The following SLC39A11 variants were observed in gnomAD, a reference collection of about 807,000 sequenced individuals.
The protein encoded by SLC39A11 is zinc transporter ZIP11.
SLC39A11 carries 33 observed loss-of-function variants against 36.1 expected under a neutral mutation model. That is an observed-to-expected ratio of 0.91 (90% CI 0.69 to 1.22). The LOEUF (loss-of-function observed/expected upper bound fraction) is 1.22, where lower values mean the gene tolerates loss of function less well. Ranked by LOEUF, SLC39A11 falls within the 50% of genes most tolerant of loss-of-function variation. The pLI is 0.00. For missense variants in SLC39A11, 432 were observed against 430.3 expected, an observed-to-expected ratio of 1.00 and a Z score of -0.03; for synonymous variants, 166 against 170.3, an observed-to-expected ratio of 0.97 and a Z score of 0.20.
chr17:72,704,352 G>A (rs924027840), intron 7 of SLC39A11, among the ~76,000 whole-genome samples: 3 of 152,182 alleles, frequency 2.0e-5, no homozygotes, highest in Non-Finnish European at 4.4e-5. Flanking sequence ...TTGGACCTAG[G>A]AAGTCTGACT....
intron 7 of SLC39A11, among the ~76,000 whole-genome samples, chr17:72,652,547 G>A (rs2069900038): frequency 6.6e-6 from 1 of 152,164 alleles, no homozygotes; most frequent in Admixed American, 6.5e-5. Context: ...TGCCTGTCCT[G>A]GGGTGAGGGT....
intron 3 of SLC39A11, among the ~76,000 whole-genome samples, chr17:73,043,566 G>A (rs747810300): frequency 1.3e-5 from 2 of 152,102 alleles, no homozygotes; most frequent in South Asian, 4.1e-4. Context: ...CACTGTCTTC[G>A]GCAGGGTAAC....
intron 3 of SLC39A11, among the ~76,000 whole-genome samples, chr17:73,081,755 G>GTA (rs2060540740): frequency 1.3e-5 from 1 of 78,022 alleles, no homozygotes; most frequent in African/African-American, 4.4e-5. Flanking sequence ...ACATATATGT[G>GTA]TGTGGGTATA....
chr17:72,922,960 C>CAAAAAAAAAAAAAAAAA (rs10645750), intron 5 of SLC39A11, among the ~76,000 whole-genome samples: 3 of 44,078 alleles, frequency 6.8e-5, no homozygotes, highest in Non-Finnish European at 1.8e-4. Context: ...GACTCCTTCT[C>CAAAAAAAAAAAAAAAAA]AAAAAAAAAA....
chr17:72,941,777 G>A (rs1166021084), intron 5 of SLC39A11, among the ~76,000 whole-genome samples: 4 of 152,094 alleles, frequency 2.6e-5, no homozygotes, highest in African/African-American at 9.7e-5. Flanking sequence ...ATGCGAAAAA[G>A]CTTCTGGCAG....
At chr17:72,825,941 T>C (rs1338348583) in intron 6 of SLC39A11, among the ~76,000 whole-genome samples, 2 of 152,232 alleles carry the variant, frequency 1.3e-5, no homozygotes, top group Admixed American at 1.3e-4. Context: ...TGAGAATTTG[T>C]ACTGTGGACT....
chr17:72,724,970 T>C (rs2073865447), intron 7 of SLC39A11, among the ~76,000 whole-genome samples: 1 of 152,188 alleles, frequency 6.6e-6, no homozygotes. Context: ...CTCTGTGGAT[T>C]GAAGGGATGG....
At position 73,084,718 on chromosome 17, in the gene SLC39A11, G is replaced by A. The variant is rs143965174; in HGVS notation, c.147+90C>T. ...AGGAACACAGAGATGCATCTAGGTC[G>A]CAAGGGGAGGGACTGAAGACAGCCC... On this transcript the variant is annotated intron_variant, in intron 3 of 9. Transcript: ENST00000255559. The A allele has an allele frequency of 2.3e-4, 292 of 1,278,764 alleles. No homozygotes were observed. The African/African-American group carries it at 3.0e-3, about 13-fold the overall frequency. The allele number at this position is 1,278,764 out of a possible 1,614,324, so 79.2% of individuals were successfully genotyped here. A position where few individuals can be genotyped will look rare whatever the true frequency, so the allele number is the denominator to read the frequency against.
rs553142045 is a variant in SLC39A11, at chr17:72,784,200, C to T, written c.602-47481G>A. Among the ~76,000 whole-genome samples the T allele has an allele frequency of 2.6e-5, 4 of 152,208 alleles. No individual in the cohort carries two copies. The East Asian group carries it at 7.8e-4, about 29-fold the overall frequency. Reference sequence around the variant, plus strand: ...TCTCTACTAAAAATACAAAAATTAGCTGGGCATGGTGGCGCATGCCTGTAA... The same window carrying T: ...TCTCTACTAAAAATACAAAAATTAGTTGGGCATGGTGGCGCATGCCTGTAA... On this transcript the variant is annotated intron_variant, in intron 6 of 9. Coordinates refer to ENST00000255559, the MANE Select transcript of SLC39A11 (RefSeq NM_139177.4).
At chr17:72,687,223 G>A (rs1298560053) in intron 7 of SLC39A11, among the ~76,000 whole-genome samples, 1 of 151,134 alleles carries the variant, frequency 6.6e-6, no homozygotes, top group Non-Finnish European at 1.5e-5. Flanking sequence ...TAGACACAGG[G>A]TCTCACTACG....
At chr17:72,649,577 G>A (rs929043560) in intron 7 of SLC39A11, among the ~76,000 whole-genome samples, 1 of 152,116 alleles carries the variant, frequency 6.6e-6, no homozygotes, top group African/African-American at 2.4e-5. Flanking sequence ...GTTCTGCCAC[G>A]TGGCTGTATA....
rs113884833 is a variant in SLC39A11, at chr17:72,991,599, T to TC, written c.306+39956dup. ...GTCTTGAACTCCTGATCTCAGATAA[T>TC]CCCCCCGCCTTGGCCTCCCAAAGTG... On this transcript the variant is annotated intron_variant, in intron 4 of 9. Coordinates refer to ENST00000255559, the MANE Select transcript of SLC39A11 (RefSeq NM_139177.4). Among the ~76,000 whole-genome samples the TC allele has an allele frequency of 1.1e-3, 162 of 150,750 alleles. 1 individual carries two copies. Among genetic ancestry groups the TC allele is most frequent in the African/African-American group, 3.8e-3 (156 of 40,918 alleles).
chr17:72,691,747 A>G (rs1383885227), intron 7 of SLC39A11, among the ~76,000 whole-genome samples: 1 of 152,190 alleles, frequency 6.6e-6, no homozygotes, highest in African/African-American at 2.4e-5. Context: ...CCATGCGTAG[A>G]TGACTTTCAT....
At chr17:72,995,052 G>A (rs561917198) in intron 4 of SLC39A11, among the ~76,000 whole-genome samples, 1 of 152,134 alleles carries the variant, frequency 6.6e-6, no homozygotes, top group Admixed American at 6.6e-5. Context: ...TGGACAGAGA[G>A]TTAGATTATA....
intron 6 of SLC39A11, among the ~76,000 whole-genome samples, chr17:72,781,412 GGTT>G (rs375778850): frequency 0.036 from 5,345 of 150,434 alleles, 297 homozygotes; most frequent in African/African-American, 0.12. Context: ...TGTTTCTTTT[GGTT>G]TTTTTTTTTT....
intron 4 of SLC39A11, among the ~76,000 whole-genome samples, chr17:73,011,277 G>A (rs564718058): frequency 6.6e-6 from 1 of 152,358 alleles, no homozygotes; most frequent in African/African-American, 2.4e-5. Context: ...CAAAGGCAGG[G>A]GGGACAGGAA....
chr17:72,793,074 C>T (rs543376649), intron 6 of SLC39A11, among the ~76,000 whole-genome samples: 18 of 152,138 alleles, frequency 1.2e-4, no homozygotes, highest in Non-Finnish European at 2.2e-4. Context: ...TGGACTGCAT[C>T]CTGGAGGCTC....
intron 4 of SLC39A11, among the ~76,000 whole-genome samples, chr17:72,991,876 G>A (rs1055816085): frequency 1.3e-5 from 2 of 152,140 alleles, no homozygotes; most frequent in African/African-American, 2.4e-5. Context: ...GCTTTGTCAT[G>A]GGATATGTTA....
chr17:72,863,161 G>A (rs1296691905), intron 5 of SLC39A11, among the ~76,000 whole-genome samples: 3 of 152,162 alleles, frequency 2.0e-5, no homozygotes. Flanking sequence ...GGGCTCCCAA[G>A]AGCCCGGACC....
Sources: allele counts gnomAD v4.1 joint callset (sites outside exome capture counted in the v4.1 genomes callset), GRCh38; gene constraint gnomAD v4.1.1; transcripts MANE v1.5; gene names NCBI Gene and HGNC (gene_info 2026-07-23, HGNC 2026-07-21).